Variants in ESPN observed in about 807,000 individuals in gnomAD.
ESPN encodes espin, also known as autosomal recessive deafness type 36 protein.
Under a neutral mutation model 77.7 loss-of-function variants are expected in ESPN, and 68 were observed. The ratio of observed to expected loss-of-function variants is 0.87; its 90% CI spans 0.72 to 1.07. The LOEUF is 1.07. Among genes scored for constraint, ESPN ranks in the 50% least tolerant of loss-of-function variants. The pLI, the probability that ESPN is intolerant of heterozygous loss-of-function variation, is 0.00. For missense variants in ESPN, 1,060 were observed against 1,239.0 expected, an observed-to-expected ratio of 0.86 and a Z score of 2.17; for synonymous variants, 449 against 567.1, an observed-to-expected ratio of 0.79 and a Z score of 2.96.
At chr1:6,426,636 CCTTACAGTTTCCACCA>C (rs1178644268) in intron 1 of ESPN, among the ~76,000 whole-genome samples, 11 of 152,182 alleles carry the variant, frequency 7.2e-5, no homozygotes, top group Non-Finnish European at 1.5e-5. Flanking sequence ...GTGGCCCTCT[CCTTACAGTTTCCACCA>C]CTTAGAGGCC....
In ESPN at chr1:6,457,357, C is replaced by G; in HGVS notation, c.2406-4C>G. ...CAAGTGACACTGTCTCTTTTTCCTT[C>G]CAGGGAGCAGAAGCGGTGAGTGCAG... On this transcript the variant is annotated splice_polypyrimidine_tract_variant and splice_region_variant and intron_variant, in intron 11 of 12. Transcript: ENST00000645284. 1 of 1,614,178 alleles carries G rather than the reference C, an allele frequency of 6.2e-7. No homozygotes were observed. Among genetic ancestry groups the G allele is most frequent in the Non-Finnish European group, 8.5e-7 (1 of 1,180,022 alleles).
At chr1:6,439,901 C>T (rs1643556842) in intron 2 of ESPN, among the ~76,000 whole-genome samples, 2 of 152,092 alleles carry the variant, frequency 1.3e-5, no homozygotes, top group African/African-American at 4.8e-5. Context: ...CCCAGCTACT[C>T]AGGAGGCTGA....
chr1:6,425,663 C>T (rs1013826586), intron 1 of ESPN, among the ~76,000 whole-genome samples: 1 of 152,228 alleles, frequency 6.6e-6, no homozygotes, highest in Non-Finnish European at 1.5e-5. Flanking sequence ...ACAGCCCACC[C>T]GAGGCTGAGA....
chr1:6,443,322 C>T lies in ESPN; in HGVS notation c.991-1159C>T, dbSNP rs77458630. ...GACTCTCCCGAAATAGCTAGTAAGT[C>T]AGGGAGGGGAAGTCTGAAGCCACTG... is the stretch of plus-strand genomic sequence containing the variant. On this transcript the variant is annotated intron_variant, in intron 5 of 12. Coordinates refer to ENST00000645284, the MANE Select transcript of ESPN (RefSeq NM_031475.3). 4.3e-4 allele frequency among the ~76,000 whole-genome samples: 65 copies of T among 152,342 alleles called. 1 individual carries two copies. In the East Asian group the frequency reaches 0.01, roughly 24 times the overall value.
chr1:6,439,343 T>C (rs1168080657), intron 2 of ESPN, among the ~76,000 whole-genome samples: 2 of 152,218 alleles, frequency 1.3e-5, no homozygotes, highest in Non-Finnish European at 2.9e-5. Context: ...GCATTATCCG[T>C]TTATCAGAAA....
chr1:6,451,596 C>T lies in ESPN; in HGVS notation c.1916-7C>T, dbSNP rs371111782. On this transcript the variant is annotated splice_region_variant and splice_polypyrimidine_tract_variant and intron_variant, in intron 8 of 12. Coordinates refer to ENST00000645284, the MANE Select transcript of ESPN (RefSeq NM_031475.3). The surrounding 1 kb of genome is among the most constrained non-coding windows in gnomAD (Gnocchi z 4.3). ...TGGCCAGTGCCTCATCTCCTGCCTC[C>T]GCATAGGCACCAAGTCTTTCAACAT... is the stretch of plus-strand genomic sequence containing the variant. 25 of 1,611,984 alleles carry T rather than the reference C, an allele frequency of 1.6e-5. No homozygotes were observed. The highest frequency in any genetic ancestry group is 2.2e-5 in the East Asian group (1 of 44,862).
At chr1:6,445,197 C>T (rs1171648572) in intron 6 of ESPN, among the ~76,000 whole-genome samples, 1 of 152,236 alleles carries the variant, frequency 6.6e-6, no homozygotes, top group African/African-American at 2.4e-5. Context: ...CTCAAACATA[C>T]ACAAATGCAC....
Position 6,445,598 on chromosome 1 carries a change from G to A in ESPN, c.1193-66G>A, listed in dbSNP as rs575053558. ...GCAAGTTGTTTCCAGGTGGTGGAGA[G>A]TCTCAGTCTTGGGGGACAGCCTGTC... On this transcript the variant is annotated intron_variant, in intron 6 of 12. Transcript: ENST00000645284. 4.4e-4 allele frequency: 691 copies of A among 1,558,422 alleles called. 2 individuals are homozygous for A. The highest frequency in any genetic ancestry group is 2.5e-3 in the South Asian group (218 of 86,738).
chr1:6,429,420 A>G (rs1239690425), intron 2 of ESPN, among the ~76,000 whole-genome samples: 6 of 152,136 alleles, frequency 3.9e-5, no homozygotes, highest in Non-Finnish European at 5.9e-5. Flanking sequence ...GAGGGTTCCA[A>G]CTGGCTCCTG....
Position 6,451,327 on chromosome 1 carries a change from C to G in ESPN, c.1916-276C>G. The stretch of plus-strand genomic sequence containing the variant: ...TGGGCGGGGACATATGCCCAAGAGC[C>G]ACCATGAACTCCCAGGGGCCTCCAG... On this transcript the variant is annotated intron_variant, in intron 8 of 12. Transcript: ENST00000645284. This position sits in a 1 kb window ranked among gnomAD's most constrained non-coding sequence, Gnocchi z 4.3. 1 of 534,934 alleles carries G rather than the reference C, an allele frequency of 1.9e-6. No individual in the cohort carries two copies. The highest frequency in any genetic ancestry group is 3.3e-5 in the East Asian group (1 of 30,144). 33.1% of individuals were successfully genotyped at this position (534,934 alleles called of 1,614,324 possible). A position where few individuals can be genotyped will look rare whatever the true frequency, so the allele number is the denominator to read the frequency against.
rs1643898595 is a variant in ESPN at position 6,448,932 on chromosome 1, G to A, written c.1756G>A (p.Ala586Thr). The A allele has an allele frequency of 1.4e-6, 2 of 1,394,814 alleles. No individual in the cohort carries two copies. The highest frequency in any genetic ancestry group is 3.2e-5 in the East Asian group (1 of 31,532). 86.4% of individuals were successfully genotyped at this position (1,394,814 alleles called of 1,614,324 possible). Reference protein sequence around the residue: ...LPGNHVPNGCAADPKASRELP... With the variant: ...LPGNHVPNGCTADPKASRELP... ...TGGGAACCATGTTCCTAACGGCTGC[G>A]CCGCGGACCCCAAGGCGTCCAGGGA... Residue 586 changes from alanine (A) to threonine (T), a missense_variant, in exon 8 of 13, where the codon GCC becomes ACC. By Grantham distance (58) the Ala-to-Thr change is moderately conservative (BLOSUM62 0). Around this residue, in one of 3 missense-constraint regions of ESPN, gnomAD observed 130 missense variants for 223.9 expected, o/e 0.58. Transcript: ENST00000645284.
Position 6,460,187 on chromosome 1 carries a change from G to GC in ESPN, c.*44dup. On this transcript the variant is annotated 3_prime_UTR_variant, in exon 13 of 13. Coordinates refer to ENST00000645284, the MANE Select transcript of ESPN (RefSeq NM_031475.3). Reference sequence around the variant, plus strand: ...GTCCGCAGCCTCGCAGCTCCGTGGGGCCCTCCGCCCCAGCCCCAGCCAGCC... The same window carrying GC: ...GTCCGCAGCCTCGCAGCTCCGTGGGGCCCCTCCGCCCCAGCCCCAGCCAGCC... 6.3e-7 allele frequency: 1 copy of GC among 1,596,526 alleles called. No individual in the cohort carries two copies. Among genetic ancestry groups the GC allele is most frequent in the Non-Finnish European group, 8.6e-7 (1 of 1,169,220 alleles).
chr1:6,428,898 A>G lies in ESPN; in HGVS notation c.488+479A>G, dbSNP rs2003072. Reference sequence around the variant, plus strand: ...GTTAAGGGAGAAAGGCCCCTCCCAGACCCCCACCCCACCTCCTGGCCCCAG... The same window carrying G: ...GTTAAGGGAGAAAGGCCCCTCCCAGGCCCCCACCCCACCTCCTGGCCCCAG... On this transcript the variant is annotated intron_variant, in intron 2 of 12. Transcript: ENST00000645284. The surrounding 1 kb of genome is among the most constrained non-coding windows in gnomAD (Gnocchi z 5.4). Among the ~76,000 whole-genome samples, 24,687 of 151,708 alleles carry G rather than the reference A, an allele frequency of 0.16. 2,469 individuals are homozygous for G. Among genetic ancestry groups the G allele is most frequent in the East Asian group, 0.36 (1,850 of 5,144 alleles).
Position 6,428,429 on chromosome 1 carries a change from C to A in ESPN, c.488+10C>A. ...TCGAGCACTACCCTGAGTAAGATCA[C>A]CCCTCTTAAGGGGTCCTCTGGGTGG... On this transcript the variant is annotated intron_variant, in intron 2 of 12. Coordinates refer to ENST00000645284, the MANE Select transcript of ESPN (RefSeq NM_031475.3). This position sits in a 1 kb window ranked among gnomAD's most constrained non-coding sequence, Gnocchi z 5.4. 6.2e-7 allele frequency: 1 copy of A among 1,605,606 alleles called. No homozygotes were observed. Among genetic ancestry groups the A allele is most frequent in the South Asian group, 1.1e-5 (1 of 90,588 alleles).
At chr1:6,445,289 C>T (rs1287751556) in intron 6 of ESPN, among the ~76,000 whole-genome samples, 1 of 152,254 alleles carries the variant, frequency 6.6e-6, no homozygotes, top group Non-Finnish European at 1.5e-5. Flanking sequence ...ACTTGCAATG[C>T]CTGCTTCACG....
intron 5 of ESPN, chr1:6,443,252 AT>A (rs1236412138): frequency 1.3e-5 from 2 of 152,104 alleles, no homozygotes; most frequent in Admixed American, 1.3e-4. Flanking sequence ...TAGTGCTGTT[AT>A]CCCCATTTGC....
At position 6,451,942 on chromosome 1, in the gene ESPN, C is replaced by T. The variant is rs771971308; in HGVS notation, c.2171C>T (p.Pro724Leu). ...PLLNGSLVPV[P>L]PTTPAPGVQL... ...CTCAATGGAAGCTTGGTTCCCGTGC[C>T]GCCCACTACTCCTGCGCCGGGAGTG... is the stretch of plus-strand genomic sequence containing the variant. The change falls in exon 10 of 13, where the codon CCG (proline) becomes CTG (leucine). Residue 724 changes from proline to leucine, a missense_variant. Pro to Leu is a moderately conservative substitution (Grantham distance 98). This residue lies in a region of ESPN where 374 missense variants were observed against 381.4 expected (regional missense o/e 0.98). Transcript: ENST00000645284. This position sits in a 1 kb window ranked among gnomAD's most constrained non-coding sequence, Gnocchi z 4.3. 31 of 1,610,700 alleles carry T rather than the reference C, an allele frequency of 1.9e-5. No individual in the cohort carries two copies. The highest frequency in any genetic ancestry group is 7.7e-5 in the South Asian group (7 of 90,434).
Position 6,440,690 on chromosome 1 carries a change from C to T in ESPN, c.740C>T (p.Ala247Val). The T allele has an allele frequency of 6.5e-7, 1 of 1,539,672 alleles. No homozygotes were observed. Among genetic ancestry groups the T allele is most frequent in the Non-Finnish European group, 8.7e-7 (1 of 1,152,158 alleles). ...GACGGCGCCACCGCCATGCACTTCG[C>T]GGCGAGCCGCGGCCACACCAAGGTG... ...DKDGATAMHF[A>V]ASRGHTKVLS... Residue 247 changes from alanine (A) to valine (V), a missense_variant, in exon 4 of 13, where the codon GCG becomes GTG. Coordinates refer to ENST00000645284, the MANE Select transcript of ESPN (RefSeq NM_031475.3).
intron 6 of ESPN, among the ~76,000 whole-genome samples, chr1:6,445,066 A>C (rs1184363488): frequency 6.6e-5 from 10 of 152,168 alleles, no homozygotes; most frequent in Admixed American, 2.0e-4. Context: ...AAGCAAGCAC[A>C]CAGTGCTCTA....
Sources: gnomAD v4.1 joint callset for allele counts (sites outside exome capture counted in the v4.1 genomes callset) on GRCh38, gnomAD v4.1.1 for gene constraint, gnomAD v4.1.1 regional missense constraint, Gnocchi (gnomAD v3.1) non-coding constraint, MANE v1.5 for transcripts, NCBI Gene and HGNC (gene_info 2026-07-23, HGNC 2026-07-21) for gene names.